The following KIAA1328 variants were observed in gnomAD, a reference collection of about 807,000 sequenced individuals.
KIAA1328 encodes KIAA1328.
Under a neutral mutation model 68.1 loss-of-function variants are expected in KIAA1328, and 52 were observed. That is an observed-to-expected ratio of 0.76 (90% CI 0.61 to 0.96). KIAA1328 has a LOEUF of 0.96. Ranked by LOEUF, KIAA1328 falls within the 40% of genes least tolerant of loss-of-function variation. The pLI, the probability that KIAA1328 is intolerant of heterozygous loss-of-function variation, is 0.00. For synonymous variants in KIAA1328, 232 were observed against 239.4 expected (o/e 0.97, Z 0.28); for missense variants, 641 against 677.6 (o/e 0.95, Z 0.60).
At chr18:36,840,240 A>G (rs184973177) in intron 3 of KIAA1328, among the ~76,000 whole-genome samples, 97 of 152,160 alleles carry the variant, frequency 6.4e-4, no homozygotes, top group African/African-American at 2.3e-3. Flanking sequence ...GTTGCCTGCT[A>G]TCCAATGAAA....
intron 5 of KIAA1328, among the ~76,000 whole-genome samples, chr18:36,892,334 G>A (rs770693466): frequency 5.3e-5 from 8 of 152,090 alleles, no homozygotes; most frequent in Non-Finnish European, 1.2e-4. Context: ...TTTTGGGAAA[G>A]TAAAAAACCT....
Position 36,959,346 on chromosome 18 carries a change from A to G in KIAA1328, c.487A>G (p.Ser163Gly), listed in dbSNP as rs773842715. The G allele has an allele frequency of 5.6e-6, 9 of 1,605,386 alleles. No individual in the cohort carries two copies. In the South Asian group the frequency reaches 1.0e-4, roughly 18 times the overall value. The change falls in exon 6 of 10, where the codon AGC (serine) becomes GGC (glycine). Residue 163 changes from serine (S) to glycine (G), a missense_variant. Transcript: ENST00000280020. Reference sequence around the variant, plus strand: ...GTATAGAGAATGCCAAGAACTTCTAAGCCTGTATCAGAAATATTTATCAGA... The same window carrying G: ...GTATAGAGAATGCCAAGAACTTCTAGGCCTGTATCAGAAATATTTATCAGA... ...LQYRECQELL[S>G]LYQKYLSEQQ...
At chr18:37,136,355 G>T (rs1321731880) in intron 7 of KIAA1328, among the ~76,000 whole-genome samples, 1 of 152,120 alleles carries the variant, frequency 6.6e-6, no homozygotes, top group Non-Finnish European at 1.5e-5. Flanking sequence ...TCATTTGCAA[G>T]ATATTTTTTG....
chr18:37,087,257 G>T (rs537617759), intron 7 of KIAA1328, among the ~76,000 whole-genome samples: 2 of 151,754 alleles, frequency 1.3e-5, no homozygotes, highest in South Asian at 4.2e-4. Context: ...ACGGGGTTTT[G>T]CCATGTTACC....
At chr18:36,921,544 C>T (rs2049923558) in intron 5 of KIAA1328, among the ~76,000 whole-genome samples, 1 of 151,796 alleles carries the variant, frequency 6.6e-6, no homozygotes, top group Non-Finnish European at 1.5e-5. Context: ...GCTGGGACTA[C>T]AGGCGCCCAC....
rs747917968 is a variant in KIAA1328 at position 36,835,310 on chromosome 18, CA to C, written c.172del (p.Arg58GlyfsTer2). 9.3e-6 allele frequency: 15 copies of C among 1,613,650 alleles called. No individual in the cohort carries two copies. In the Admixed American group the frequency reaches 2.2e-4, roughly 23 times the overall value. On this transcript the variant is annotated frameshift_variant, in exon 3 of 10. Coordinates refer to ENST00000280020, the MANE Select transcript of KIAA1328 (RefSeq NM_020776.3). LOFTEE classifies it high-confidence loss of function. The part of the protein sequence containing the change: ...PKADVKLKTS[R>X]VTDASISMES... ...AAGCTGATGTTAAACTTAAGACTTCCAGGGTGACTGATGCTTCAATCTCCAT... is the reference window on the plus strand; with the variant it reads ...AAGCTGATGTTAAACTTAAGACTTCCGGGTGACTGATGCTTCAATCTCCAT...
intron 9 of KIAA1328, among the ~76,000 whole-genome samples, chr18:37,195,098 G>C (rs930258161): frequency 1.3e-5 from 2 of 152,148 alleles, no homozygotes; most frequent in Non-Finnish European, 2.9e-5. Flanking sequence ...TCTCTTCTTT[G>C]TGGTGGGAAA....
intron 6 of KIAA1328, among the ~76,000 whole-genome samples, chr18:36,980,982 G>A (rs1208890746): frequency 6.6e-6 from 1 of 152,138 alleles, no homozygotes; most frequent in Non-Finnish European, 1.5e-5. Flanking sequence ...TCTTCGGTAT[G>A]TCTTTATCAG....
intron 5 of KIAA1328, among the ~76,000 whole-genome samples, chr18:36,900,113 G>GA: frequency 6.6e-6 from 1 of 151,700 alleles, no homozygotes; most frequent in East Asian, 1.9e-4. Context: ...GCCTCTCTCC[G>GA]AAAAAACAAA....
intron 5 of KIAA1328, among the ~76,000 whole-genome samples, chr18:36,901,196 T>C (rs2049025638): frequency 6.6e-6 from 1 of 152,022 alleles, no homozygotes; most frequent in East Asian, 1.9e-4. Context: ...TTTTTGTTTC[T>C]TTAGTCACTT....
intron 5 of KIAA1328, among the ~76,000 whole-genome samples, chr18:36,923,221 G>C (rs1463780117): frequency 1.3e-5 from 2 of 152,032 alleles, no homozygotes; most frequent in Non-Finnish European, 2.9e-5. Context: ...AAGAAGAAAG[G>C]TCCCAAATCA....
chr18:36,973,830 T>TACACACACACAC (rs111392122), intron 6 of KIAA1328, among the ~76,000 whole-genome samples: 4,166 of 147,286 alleles, frequency 0.028, 96 homozygotes, highest in Non-Finnish European at 0.037. Flanking sequence ...CACACACACA[T>TACACACACACAC]ACACACACAC....
chr18:36,944,121 C>G (rs987710250), intron 5 of KIAA1328, among the ~76,000 whole-genome samples: 1 of 152,182 alleles, frequency 6.6e-6, no homozygotes, highest in Non-Finnish European at 1.5e-5. Context: ...ACTTCATAAA[C>G]TATATAGTAC....
chr18:36,972,850 TAAAC>T (rs1451528295), intron 6 of KIAA1328, among the ~76,000 whole-genome samples: 1 of 152,178 alleles, frequency 6.6e-6, no homozygotes, highest in Non-Finnish European at 1.5e-5. Context: ...TGCATACACT[TAAAC>T]AATACAGAGG....
intron 6 of KIAA1328, among the ~76,000 whole-genome samples, chr18:37,066,156 C>T (rs191536633): frequency 3.3e-5 from 5 of 152,290 alleles, no homozygotes; most frequent in East Asian, 1.9e-4. Context: ...GTTTTGTTCT[C>T]GCTGACAGAA....
intron 7 of KIAA1328, among the ~76,000 whole-genome samples, chr18:37,108,456 T>C (rs1237003466): frequency 2.0e-5 from 3 of 152,192 alleles, no homozygotes; most frequent in Non-Finnish European, 4.4e-5. Context: ...AACCTTAGCC[T>C]TATGCAATAT....
intron 6 of KIAA1328, among the ~76,000 whole-genome samples, chr18:37,061,909 A>G (rs1326307057): frequency 6.6e-6 from 1 of 152,182 alleles, no homozygotes; most frequent in Non-Finnish European, 1.5e-5. Flanking sequence ...CAGTGCATAC[A>G]GAGTGATAAA....
rs550723810 is a variant in KIAA1328 at position 37,156,913 on chromosome 18, A to G, written c.1233-3287A>G. 3.3e-5 allele frequency among the ~76,000 whole-genome samples: 5 copies of G among 152,330 alleles called. No homozygotes were observed. The South Asian group carries it at 1.0e-3, about 32-fold the overall frequency. On this transcript the variant is annotated intron_variant, in intron 7 of 9. Coordinates refer to ENST00000280020, the MANE Select transcript of KIAA1328 (RefSeq NM_020776.3). ...TACTTGCAGATATAGAGGTGTGGCA[A>G]GGATCACCAAGAAAGTACTAAGAGG...
At chr18:36,997,523 G>C (rs1199431260) in intron 6 of KIAA1328, among the ~76,000 whole-genome samples, 4 of 152,190 alleles carry the variant, frequency 2.6e-5, no homozygotes, top group Non-Finnish European at 4.4e-5. Flanking sequence ...GGAGCTGCCA[G>C]TAAACCATGG....
Sources: gnomAD v4.1 joint callset for allele counts (sites outside exome capture counted in the v4.1 genomes callset) on GRCh38, gnomAD v4.1.1 for gene constraint, MANE v1.5 for transcripts, NCBI Gene and HGNC (gene_info 2026-07-23, HGNC 2026-07-21) for gene names.